The following CRIM1 variants were observed in gnomAD, a reference collection of about 807,000 sequenced individuals.
CRIM1 encodes cysteine rich transmembrane BMP regulator 1.
Under a neutral mutation model 116.4 loss-of-function variants are expected in CRIM1, and 32 were observed. The ratio of observed to expected loss-of-function variants is 0.27; its 90% CI spans 0.21 to 0.37. CRIM1 has a LOEUF of 0.37. CRIM1 is among the 10% of genes least tolerant of loss of function. The pLI is 1.00. For missense variants in CRIM1, 1,331 were observed against 1,354.8 expected, an observed-to-expected ratio of 0.98 and a Z score of 0.28; for synonymous variants, 590 against 509.2, an observed-to-expected ratio of 1.16 and a Z score of -2.13.
intron 13 of CRIM1, among the ~76,000 whole-genome samples, chr2:36,532,655 G>A (rs531714712): frequency 3.3e-5 from 5 of 152,268 alleles, no homozygotes; most frequent in Admixed American, 2.6e-4. Context: ...CAGGTTATCC[G>A]GCTTGGCACA....
intron 13 of CRIM1, among the ~76,000 whole-genome samples, chr2:36,529,002 G>GAA (rs1363676714): frequency 5.3e-5 from 8 of 152,158 alleles, no homozygotes; most frequent in Admixed American, 5.2e-4. Flanking sequence ...GTTAACTTGG[G>GAA]AAAAACCCCT....
intron 14 of CRIM1, among the ~76,000 whole-genome samples, chr2:36,538,551 T>C (rs986945870): frequency 6.6e-6 from 1 of 152,202 alleles, no homozygotes; most frequent in African/African-American, 2.4e-5. Flanking sequence ...TATGCAGTTG[T>C]AAGATAGGGC....
chr2:36,505,105 A>T (rs1445723820), intron 8 of CRIM1, among the ~76,000 whole-genome samples: 2 of 152,160 alleles, frequency 1.3e-5, no homozygotes, highest in African/African-American at 2.4e-5. Flanking sequence ...TTTCACTGTA[A>T]TTCTAAACTA....
intron 7 of CRIM1, 24 bp from the exon 8 acceptor site, chr2:36,499,195 A>AT (rs769261151): frequency 8.8e-6 from 14 of 1,584,790 alleles, no homozygotes; most frequent in African/African-American, 1.3e-5. Flanking sequence ...TTCATTGGTT[A>AT]TTTTTTTCTC....
At chr2:36,447,937 T>C (rs1676378171) in intron 4 of CRIM1, among the ~76,000 whole-genome samples, 1 of 152,230 alleles carries the variant, frequency 6.6e-6, no homozygotes, top group Non-Finnish European at 1.5e-5. Context: ...TTAAGCCCCC[T>C]GTGTGCCCAG....
At chr2:36,493,802 G>A (rs1680397149) in intron 7 of CRIM1, among the ~76,000 whole-genome samples, 2 of 152,136 alleles carry the variant, frequency 1.3e-5, no homozygotes, top group South Asian at 4.2e-4. Flanking sequence ...TGTCATTTAG[G>A]CTACATATAC....
At chr2:36,369,951 A>G (rs992832885) in intron 1 of CRIM1, among the ~76,000 whole-genome samples, 2 of 152,210 alleles carry the variant, frequency 1.3e-5, no homozygotes, top group Non-Finnish European at 2.9e-5. Flanking sequence ...CGTGCATTGT[A>G]TTATGGATGT....
intron 14 of CRIM1, among the ~76,000 whole-genome samples, chr2:36,540,314 C>G (rs557550756): frequency 6.6e-6 from 1 of 152,244 alleles, no homozygotes; most frequent in East Asian, 1.9e-4. Context: ...CAATTCACCT[C>G]TCCCATTGCG....
At position 36,541,866 on chromosome 2, in the gene CRIM1, C is replaced by T. The variant is rs147436309; in HGVS notation, c.2624-2510C>T. ...ATATTTTAGAGTCTTGGGTTGAAGG[C>T]GGTCTTTGGCCATAGAAGGCGGCCT... On this transcript the variant is annotated intron_variant, in intron 14 of 16. Coordinates refer to ENST00000280527, the MANE Select transcript of CRIM1 (RefSeq NM_016441.3). Among the ~76,000 whole-genome samples, 547 of 152,272 alleles carry T rather than the reference C, an allele frequency of 3.6e-3. 4 individuals are homozygous for T. Among genetic ancestry groups the T allele is most frequent in the African/African-American group, 0.013 (524 of 41,560 alleles).
At position 36,550,635 on chromosome 2, in the gene CRIM1, GT is replaced by G. The variant is rs1481246935; in HGVS notation, c.*1935del. ...GAATATCAAAAAGAAAAAGAAAAAGGTGTTCTAGCTGTTTGCATCAAAGGAA... is the reference window on the plus strand; with the variant it reads ...GAATATCAAAAAGAAAAAGAAAAAGGGTTCTAGCTGTTTGCATCAAAGGAA... On this transcript the variant is annotated 3_prime_UTR_variant, in exon 17 of 17. Coordinates refer to ENST00000280527, the MANE Select transcript of CRIM1 (RefSeq NM_016441.3). 6.6e-6 allele frequency: 1 copy of G among 152,290 alleles called. No individual in the cohort carries two copies. Among genetic ancestry groups the G allele is most frequent in the Non-Finnish European group, 1.5e-5 (1 of 67,946 alleles). 9.4% of individuals were successfully genotyped at this position (152,290 alleles called of 1,614,324 possible). A position where few individuals can be genotyped will look rare whatever the true frequency, so the allele number is the denominator to read the frequency against.
intron 7 of CRIM1, among the ~76,000 whole-genome samples, chr2:36,494,956 T>G (rs572790033): frequency 3.3e-5 from 5 of 152,242 alleles, no homozygotes; most frequent in Non-Finnish European, 5.9e-5. Context: ...AAACCCCACC[T>G]CTGTGCAAGG....
chr2:36,465,138 G>A (rs1402364897), intron 5 of CRIM1, among the ~76,000 whole-genome samples: 4 of 152,178 alleles, frequency 2.6e-5, no homozygotes, highest in African/African-American at 4.8e-5. Flanking sequence ...GCTGAGAGGC[G>A]GTGGGGAAGA....
intron 7 of CRIM1, among the ~76,000 whole-genome samples, chr2:36,486,620 A>G (rs929595146): frequency 1.3e-5 from 2 of 152,084 alleles, no homozygotes; most frequent in Non-Finnish European, 2.9e-5. Flanking sequence ...GTGGCGTGCA[A>G]GGGGGTGGGT....
chr2:36,528,397 AG>A (rs1413011401), intron 13 of CRIM1, among the ~76,000 whole-genome samples: 2 of 152,248 alleles, frequency 1.3e-5, no homozygotes, highest in African/African-American at 4.8e-5. Context: ...TCTGTAGCTC[AG>A]CTGTGTTGTG....
At chr2:36,400,988 A>G (rs764216319) in intron 2 of CRIM1, among the ~76,000 whole-genome samples, 5 of 152,126 alleles carry the variant, frequency 3.3e-5, no homozygotes, top group Non-Finnish European at 4.4e-5. Context: ...GGATAGGGCA[A>G]GCAGAATGGT....
intron 1 of CRIM1, among the ~76,000 whole-genome samples, chr2:36,373,842 A>G (rs1436887528): frequency 2.0e-5 from 3 of 152,142 alleles, no homozygotes; most frequent in Admixed American, 6.5e-5. Flanking sequence ...GTGTCCTGGT[A>G]GTCTGTTATG....
chr2:36,537,696 TG>T, intron 14 of CRIM1, 150 bp downstream of exon 14: 1 of 852,752 alleles, frequency 1.2e-6, no homozygotes, highest in Non-Finnish European at 1.7e-6. Flanking sequence ...AAAGACCCTA[TG>T]GGTAACTTGG....
At chr2:36,521,096 T>C (rs1014536075) in intron 12 of CRIM1, among the ~76,000 whole-genome samples, 2 of 152,216 alleles carry the variant, frequency 1.3e-5, no homozygotes, top group African/African-American at 2.4e-5. Flanking sequence ...TACATTTTCC[T>C]TTCTGATATC....
At chr2:36,396,264 A>C (rs903200830) in intron 1 of CRIM1, among the ~76,000 whole-genome samples, 1 of 152,190 alleles carries the variant, frequency 6.6e-6, no homozygotes, top group Non-Finnish European at 1.5e-5. Flanking sequence ...GACTCTTGTA[A>C]TTTTATTGAA....
Sources: allele counts gnomAD v4.1 joint callset (sites outside exome capture counted in the v4.1 genomes callset), GRCh38; gene constraint gnomAD v4.1.1; transcripts MANE v1.5; gene names NCBI Gene and HGNC (gene_info 2026-07-23, HGNC 2026-07-21).